SNRPN: variants seen among roughly 807,000 people sequenced by gnomAD.
SNRPN encodes small nuclear ribonucleoprotein-associated protein N.
A neutral mutation model predicts 25.2 loss-of-function variants in SNRPN; 7 were observed. That is an observed-to-expected ratio of 0.28 (90% CI 0.16 to 0.52). The LOEUF (loss-of-function observed/expected upper bound fraction) is 0.52, where lower values mean the gene tolerates loss of function less well. SNRPN is among the 20% of genes least tolerant of loss of function. The pLI is 0.96. For synonymous variants in SNRPN, 124 were observed against 110.6 expected (o/e 1.12, Z -0.76); for missense variants, 196 against 322.5 (o/e 0.61, Z 3.00).
intron 2 of SNRPN, among the ~76,000 whole-genome samples, chr15:24,918,383 AAT>A (rs1167519192): frequency 1.3e-4 from 7 of 54,584 alleles, no homozygotes; most frequent in African/African-American, 4.5e-4. Context: ...TATATAACAT[AAT>A]ATATATGTGT....
intron 3 of SNRPN, among the ~76,000 whole-genome samples, chr15:24,922,521 A>T (rs2060091275): frequency 6.6e-6 from 1 of 152,222 alleles, no homozygotes; most frequent in African/African-American, 2.4e-5. Context: ...ACTCGTGGGT[A>T]TCCCTTCTGA....
intron 2 of SNRPN, among the ~76,000 whole-genome samples, chr15:24,967,446 C>A (rs1946438755): frequency 6.6e-6 from 1 of 151,926 alleles, no homozygotes; most frequent in African/African-American, 2.4e-5. Context: ...TCCAGATCAG[C>A]CTGGCCAACA....
chr15:24,950,028 A>G (rs1389525032), upstream of SNRPN, among the ~76,000 whole-genome samples: 2 of 151,940 alleles, frequency 1.3e-5, no homozygotes, highest in African/African-American at 2.4e-5. Flanking sequence ...GAGTCTTGCT[A>G]TCAGGGAGAT....
At chr15:24,915,213 C>A (rs554212244) in intron 2 of SNRPN, among the ~76,000 whole-genome samples, 1 of 151,760 alleles carries the variant, frequency 6.6e-6, no homozygotes, top group African/African-American at 2.4e-5. Flanking sequence ...CTGTAACCTC[C>A]GCCTCCTGGG....
intron 2 of SNRPN, among the ~76,000 whole-genome samples, chr15:24,843,655 T>C (rs1226421020): frequency 6.6e-6 from 1 of 151,816 alleles, no homozygotes; most frequent in Non-Finnish European, 1.5e-5. Flanking sequence ...GGTGTGGTGG[T>C]GCATGCCTAT....
intron 3 of SNRPN, among the ~76,000 whole-genome samples, chr15:24,937,489 C>T (rs2061307542): frequency 1.3e-5 from 2 of 152,080 alleles, no homozygotes; most frequent in Admixed American, 1.3e-4. Context: ...CACCACTGTA[C>T]TCTAGCCTGG....
intron 2 of SNRPN, among the ~76,000 whole-genome samples, chr15:24,894,017 C>G (rs2057883533): frequency 6.6e-6 from 1 of 152,142 alleles, no homozygotes; most frequent in Non-Finnish European, 1.5e-5. Context: ...GATGCCAAAC[C>G]ACTCTCAAAG....
rs939786820 is a variant in SNRPN at position 24,929,595 on chromosome 15, C to T, written c.-391+9471C>T. Among the ~76,000 whole-genome samples the T allele has an allele frequency of 5.9e-5, 9 of 151,992 alleles. No individual in the cohort carries two copies. The highest frequency in any genetic ancestry group is 1.9e-4 in the African/African-American group (8 of 41,388). On this transcript the variant is annotated intron_variant, in intron 3 of 11. Transcript: ENST00000400097. This position sits in a 1 kb window ranked among gnomAD's most constrained non-coding sequence, Gnocchi z 5.3. ...GGGTGGCAGACTGTCTCCTTGAGTT[C>T]TGGGTGGCAGAAATGGCCCAGGGCC...
chr15:24,878,818 A>G (rs888141831), intron 1 of SNRPN, among the ~76,000 whole-genome samples: 5 of 152,112 alleles, frequency 3.3e-5, no homozygotes, highest in Non-Finnish European at 7.4e-5. Context: ...TTAAGAAATG[A>G]GATACTACTT....
chr15:24,898,325 T>C (rs1381822416), intron 2 of SNRPN, among the ~76,000 whole-genome samples: 3 of 152,272 alleles, frequency 2.0e-5, no homozygotes. Context: ...CGTGGTGGCT[T>C]ACGCCTGTAA....
chr15:24,918,968 T>TATATATAACATAATATATATGTGCGC lies in SNRPN; in HGVS notation c.-504-1036_-504-1035insACATAATATATATGTGCGCATATATA, dbSNP rs2059847409. ...ATATAACATAATATATATGCGCGCA[T>TATATATAACATAATATATATGTGCGC]ATATATATAACATAATATATATGTG... is the stretch of plus-strand genomic sequence containing the variant. On this transcript the variant is annotated intron_variant, in intron 2 of 11. Coordinates refer to the SNRPN transcript ENST00000400097. Among the ~76,000 whole-genome samples the TATATATAACATAATATATATGTGCGC allele has an allele frequency of 6.7e-5, 3 of 44,454 alleles. 1 individual carries two copies. The highest frequency in any genetic ancestry group is 1.4e-4 in the Non-Finnish European group (3 of 21,678). The allele number at this position is 44,454 out of a possible 152,430, so 29.2% of individuals were successfully genotyped here.
intron 3 of SNRPN, chr15:24,942,446 G>C (rs981199394): frequency 3.3e-5 from 5 of 152,208 alleles, no homozygotes; most frequent in Non-Finnish European, 7.3e-5. Context: ...ATCTGCCTTA[G>C]GATGGCGGGG....
In SNRPN at chr15:24,958,094, A is replaced by G. The variant is rs73354189; in HGVS notation, c.-391+3032A>G. On this transcript the variant is annotated intron_variant, in intron 1 of 9. Coordinates refer to ENST00000390687, the MANE Select transcript of SNRPN (RefSeq NM_003097.6). ...ACAGACCTTGCCTTATCTTGATTTC[A>G]CTATTCTATCTGACCAGTGTGTCAT... Among the ~76,000 whole-genome samples, 412 of 152,210 alleles carry G rather than the reference A, an allele frequency of 2.7e-3. 1 individual carries two copies. Among genetic ancestry groups the G allele is most frequent in the African/African-American group, 9.4e-3 (392 of 41,532 alleles).
At chr15:24,954,499 A>G (rs943984400), upstream of SNRPN, among the ~76,000 whole-genome samples, 1 of 152,206 alleles carries the variant, frequency 6.6e-6, no homozygotes, top group Non-Finnish European at 1.5e-5. Context: ...AAATCGCACC[A>G]AATTTGAACA....
chr15:24,889,769 G>C (rs1001031236), intron 2 of SNRPN, among the ~76,000 whole-genome samples: 24 of 151,962 alleles, frequency 1.6e-4, no homozygotes, highest in Non-Finnish European at 2.8e-4. Flanking sequence ...GATACCCCTG[G>C]CTGGGTGTGG....
At chr15:24,911,109 T>C in intron 2 of SNRPN, 3 of 1,312,666 alleles carry the variant, frequency 2.3e-6, no homozygotes, top group Non-Finnish European at 3.1e-6. Flanking sequence ...ATGAAGGAGA[T>C]CCTTTGCAAG....
At chr15:24,917,687 T>A (rs1301262495) in intron 2 of SNRPN, among the ~76,000 whole-genome samples, 1 of 152,254 alleles carries the variant, frequency 6.6e-6, no homozygotes, top group African/African-American at 2.4e-5. Context: ...GCAGTGAGGA[T>A]GTTGGTGCTG....
intron 2 of SNRPN, among the ~76,000 whole-genome samples, chr15:24,835,465 C>T (rs1035774679): frequency 2.1e-4 from 32 of 152,034 alleles, no homozygotes; most frequent in Admixed American, 1.2e-3. Flanking sequence ...CTATTTCCCA[C>T]GTTACTGCTG....
upstream of SNRPN, among the ~76,000 whole-genome samples, chr15:24,950,466 C>A (rs529051300): frequency 3.3e-5 from 5 of 151,580 alleles, no homozygotes; most frequent in Non-Finnish European, 7.4e-5. Flanking sequence ...TGAGCCACCA[C>A]CAGTTTTTTA....
Sources: allele counts gnomAD v4.1 joint callset (sites outside exome capture counted in the v4.1 genomes callset), GRCh38; gene constraint gnomAD v4.1.1; non-coding constraint Gnocchi (gnomAD v3.1); transcripts MANE v1.5; gene names NCBI Gene and HGNC (gene_info 2026-07-23, HGNC 2026-07-21).